PCOLCE2: variants seen among roughly 807,000 people sequenced by gnomAD.
The protein encoded by PCOLCE2 is procollagen C-endopeptidase enhancer 2, also known as procollagen C-proteinase enhancer 2.
Under a neutral mutation model 47.0 loss-of-function variants are expected in PCOLCE2, and 42 were observed. The observed-to-expected ratio is 0.89, with a 90% CI of 0.70 to 1.16. PCOLCE2 has a LOEUF of 1.16. PCOLCE2 is among the 50% of genes most tolerant of loss of function. The probability of loss-of-function intolerance (pLI) is 0.00; values close to 1 mark genes in which losing one functional copy is unlikely to be tolerated. For synonymous variants in PCOLCE2, 169 were observed against 191.7 expected, an observed-to-expected ratio of 0.88 and a Z score of 0.98; for missense variants, 500 against 526.1, an observed-to-expected ratio of 0.95 and a Z score of 0.49.
intron 2 of PCOLCE2, among the ~76,000 whole-genome samples, chr3:142,866,363 G>T (rs984552638): frequency 6.6e-6 from 1 of 152,108 alleles, no homozygotes; most frequent in African/African-American, 2.4e-5. Flanking sequence ...TTACGCAGAG[G>T]CCCTCCTGGT....
intron 7 of PCOLCE2, among the ~76,000 whole-genome samples, chr3:142,821,612 G>A (rs1012166343): frequency 6.6e-6 from 1 of 151,564 alleles, no homozygotes; most frequent in Non-Finnish European, 1.5e-5. Flanking sequence ...TGTCTTCTAC[G>A]GTCTTTCATA....
At chr3:142,838,963 A>C in intron 4 of PCOLCE2, 57 bp from the exon 5 acceptor site, 12 of 1,364,730 alleles carry the variant, frequency 8.8e-6, no homozygotes, top group Non-Finnish European at 1.1e-5. Context: ...GAATAACCTC[A>C]AATGGAATTC....
Position 142,825,195 on chromosome 3 carries a change from T to A in PCOLCE2, c.866-1580A>T, listed in dbSNP as rs1578028432. Among the ~76,000 whole-genome samples the A allele has an allele frequency of 2.0e-5, 3 of 152,268 alleles. No homozygotes were observed. The South Asian group carries it at 6.2e-4, about 32-fold the overall frequency. ...AGTCAAAAAGTTGTGGTGTGTCTGA[T>A]GGTGAGCGCCCTTTCCCGGGCCCAT... On this transcript the variant is annotated intron_variant, in intron 6 of 8. Coordinates refer to ENST00000295992, the MANE Select transcript of PCOLCE2 (RefSeq NM_013363.4).
At chr3:142,837,684 A>G (rs1937219850) in intron 5 of PCOLCE2, among the ~76,000 whole-genome samples, 1 of 152,220 alleles carries the variant, frequency 6.6e-6, no homozygotes, top group Non-Finnish European at 1.5e-5. Flanking sequence ...TCTTGCACCA[A>G]AATACAGTTA....
At chr3:142,848,137 T>C in intron 3 of PCOLCE2, 80 bp downstream of exon 3, 1 of 1,431,034 alleles carries the variant, frequency 7.0e-7, no homozygotes, top group Non-Finnish European at 9.7e-7. Flanking sequence ...TCTTAAGCTT[T>C]AAAGGAGTAA....
At chr3:142,846,835 TTC>T (rs1937333462) in intron 3 of PCOLCE2, 1 of 152,200 alleles carries the variant, frequency 6.6e-6, no homozygotes, top group African/African-American at 2.4e-5. Flanking sequence ...CCTGTTTCTC[TTC>T]TGAGATTCTC....
chr3:142,843,451 GAC>G, intron 3 of PCOLCE2: 1 of 334,258 alleles, frequency 3.0e-6, no homozygotes, highest in Non-Finnish European at 5.8e-6. Context: ...AGTTGATATA[GAC>G]AGCTCTCATT....
rs1420567484 is a variant in PCOLCE2, at chr3:142,817,916, A to T, written c.*419T>A. ...ATTAAGCATTGATTTAGAAAACGCAAGACAAGATTGTAACACCTCAGGGCA... is the reference window on the plus strand; with the variant it reads ...ATTAAGCATTGATTTAGAAAACGCATGACAAGATTGTAACACCTCAGGGCA... On this transcript the variant is annotated 3_prime_UTR_variant, in exon 9 of 9. Coordinates refer to ENST00000295992, the MANE Select transcript of PCOLCE2 (RefSeq NM_013363.4). 2 of 156,774 alleles carry T rather than the reference A, an allele frequency of 1.3e-5. No homozygotes were observed. Among genetic ancestry groups the T allele is most frequent in the Non-Finnish European group, 2.8e-5 (2 of 70,542 alleles). 9.7% of individuals were successfully genotyped at this position (156,774 alleles called of 1,614,324 possible).
intron 5 of PCOLCE2, 87 bp from the exon 6 acceptor site, chr3:142,829,933 T>C: frequency 1.4e-6 from 1 of 695,416 alleles, no homozygotes; most frequent in Non-Finnish European, 2.3e-6. Context: ...TCCATTAACT[T>C]CCGACAATAG....
At chr3:142,872,083 C>A (rs1406096591) in intron 2 of PCOLCE2, among the ~76,000 whole-genome samples, 2 of 152,110 alleles carry the variant, frequency 1.3e-5, no homozygotes, top group African/African-American at 4.8e-5. Flanking sequence ...ATACTGAAAA[C>A]AGGGAGGAGA....
chr3:142,839,153 C>T (rs1341707686), intron 4 of PCOLCE2, among the ~76,000 whole-genome samples: 3 of 152,092 alleles, frequency 2.0e-5, no homozygotes, highest in Non-Finnish European at 2.9e-5. Context: ...TTAGGATATT[C>T]AACTTAAGAA....
chr3:142,856,136 T>C (rs2108201356), intron 2 of PCOLCE2, among the ~76,000 whole-genome samples: 1 of 152,258 alleles, frequency 6.6e-6, no homozygotes, highest in African/African-American at 2.4e-5. Context: ...AAGGGAGACA[T>C]CAGCTTTGCC....
chr3:142,871,881 T>C (rs1460751910), intron 2 of PCOLCE2, among the ~76,000 whole-genome samples: 2 of 152,178 alleles, frequency 1.3e-5, no homozygotes, highest in East Asian at 3.8e-4. Context: ...TAAACATTTA[T>C]ATATCTACAT....
chr3:142,835,535 TTTCTA>T (rs1428818418), intron 5 of PCOLCE2, among the ~76,000 whole-genome samples: 1 of 152,156 alleles, frequency 6.6e-6, no homozygotes, highest in Non-Finnish European at 1.5e-5. Flanking sequence ...GTATAACACT[TTTCTA>T]TTAATTATTT....
intron 2 of PCOLCE2, among the ~76,000 whole-genome samples, chr3:142,869,301 AC>A (rs1933339763): frequency 6.6e-6 from 1 of 151,910 alleles, no homozygotes; most frequent in Admixed American, 6.6e-5. Flanking sequence ...AAAAAAAAAA[AC>A]CAAAAAAAAC....
intron 2 of PCOLCE2, among the ~76,000 whole-genome samples, chr3:142,883,937 C>T (rs1933675590): frequency 6.6e-6 from 1 of 152,156 alleles, no homozygotes; most frequent in African/African-American, 2.4e-5. Flanking sequence ...TCACTTCCCA[C>T]TCAGGGCCTT....
Position 142,888,979 on chromosome 3 carries a change from C to CTG in PCOLCE2, c.-84_-83insCA. On this transcript the variant is annotated 5_prime_UTR_variant, in exon 1 of 9. Coordinates refer to ENST00000295992, the MANE Select transcript of PCOLCE2 (RefSeq NM_013363.4). The stretch of plus-strand genomic sequence containing the variant: ...CTCCGCACCCACCGCGCTCACACCG[C>CTG]CGCTCACACTGGCAGCAGCGCTGGC... The CTG allele has an allele frequency of 1.0e-5, 4 of 387,444 alleles. No individual in the cohort carries two copies. The highest frequency in any genetic ancestry group is 1.7e-5 in the Non-Finnish European group (4 of 230,694). 24.0% of individuals were successfully genotyped at this position (387,444 alleles called of 1,614,324 possible). A position where few individuals can be genotyped will look rare whatever the true frequency, so the allele number is the denominator to read the frequency against.
At position 142,871,877 on chromosome 3, in the gene PCOLCE2, T is replaced by G. The variant is rs148461828; in HGVS notation, c.192+15792A>C. ...ATTTTTATATACATATACATAAACA[T>G]TTATATATCTACATCTCCTATTGGT... On this transcript the variant is annotated intron_variant, in intron 2 of 8. Transcript: ENST00000295992. 5.9e-3 allele frequency among the ~76,000 whole-genome samples: 899 copies of G among 152,286 alleles called. 10 individuals carry two copies. The highest frequency in any genetic ancestry group is 0.02 in the Middle Eastern group (6 of 294).
chr3:142,828,477 G>A (rs1203982324), intron 6 of PCOLCE2, among the ~76,000 whole-genome samples: 3 of 152,166 alleles, frequency 2.0e-5, no homozygotes, highest in African/African-American at 4.8e-5. Context: ...TTTAATGGGA[G>A]AACAACACAG....
Sources: gnomAD v4.1 joint callset for allele counts (sites outside exome capture counted in the v4.1 genomes callset) on GRCh38, gnomAD v4.1.1 for gene constraint, MANE v1.5 for transcripts, NCBI Gene and HGNC (gene_info 2026-07-23, HGNC 2026-07-21) for gene names.